The following NTM variants were observed in gnomAD, a reference collection of about 807,000 sequenced individuals.
The protein encoded by NTM is neurotrimin.
Under a neutral mutation model 42.1 loss-of-function variants are expected in NTM, and 13 were observed. The observed-to-expected ratio is 0.31, with a 90% CI of 0.20 to 0.49. NTM has a LOEUF of 0.49. Ranked by LOEUF, NTM falls within the 20% of genes least tolerant of loss-of-function variation. The pLI, the probability that NTM is intolerant of heterozygous loss-of-function variation, is 0.99. For synonymous variants in NTM, 187 were observed against 179.2 expected, an observed-to-expected ratio of 1.04 and a Z score of -0.35; for missense variants, 373 against 452.8, an observed-to-expected ratio of 0.82 and a Z score of 1.60.
At chr11:132,276,876 A>G (rs2093745856) in intron 4 of NTM, among the ~76,000 whole-genome samples, 1 of 152,170 alleles carries the variant, frequency 6.6e-6, no homozygotes, top group Non-Finnish European at 1.5e-5. Flanking sequence ...GTACAACTTT[A>G]TGCTGAGTCC....
chr11:131,506,354 C>T (rs2047490944), intron 1 of NTM, among the ~76,000 whole-genome samples: 1 of 152,168 alleles, frequency 6.6e-6, no homozygotes, highest in Non-Finnish European at 1.5e-5. Flanking sequence ...AATGCTGGTG[C>T]CCGAATATCT....
intron 1 of NTM, among the ~76,000 whole-genome samples, chr11:131,607,910 T>C (rs1046160599): frequency 1.1e-4 from 16 of 151,820 alleles, no homozygotes; most frequent in African/African-American, 3.9e-4. Flanking sequence ...GTTTTATAAT[T>C]ATTATTATTA....
intron 1 of NTM, among the ~76,000 whole-genome samples, chr11:131,418,872 C>A (rs1020398792): frequency 1.3e-5 from 2 of 152,292 alleles, no homozygotes; most frequent in South Asian, 2.1e-4. Context: ...CTGTACTCCA[C>A]ACCAAATCTC....
chr11:131,430,818 G>T (rs376541801), intron 1 of NTM, among the ~76,000 whole-genome samples: 12 of 152,324 alleles, frequency 7.9e-5, no homozygotes, highest in African/African-American at 2.9e-4. Context: ...GGACCTTTCT[G>T]GGCCACACAG....
At chr11:131,445,349 A>G (rs555129811) in intron 1 of NTM, among the ~76,000 whole-genome samples, 17 of 152,326 alleles carry the variant, frequency 1.1e-4, no homozygotes, top group Non-Finnish European at 2.1e-4. Context: ...TTTAGTTCTC[A>G]TTGGTCACCT....
intron 1 of NTM, among the ~76,000 whole-genome samples, chr11:131,437,260 G>A (rs963499802): frequency 6.6e-6 from 1 of 152,230 alleles, no homozygotes; most frequent in Admixed American, 6.5e-5. Context: ...TGTATATTCT[G>A]TTGATTTGGG....
At position 131,782,128 on chromosome 11, in the gene NTM, G is replaced by A. The variant is rs11222790; in HGVS notation, c.83-129436G>A. ...AACGTTTATTATTTGAAAAGATCAG[G>A]AAGATTAATAAATCCCAAAAGACTG... is the stretch of plus-strand genomic sequence containing the variant. On this transcript the variant is annotated intron_variant, in intron 1 of 8. Coordinates refer to ENST00000683400, the MANE Select transcript of NTM (RefSeq NM_001352005.2). Among the ~76,000 whole-genome samples the A allele has an allele frequency of 8.1e-3, 1,233 of 152,176 alleles. 17 individuals carry two copies. The highest frequency in any genetic ancestry group is 0.062 in the South Asian group (297 of 4,822).
At chr11:132,026,888 G>A (rs1041377380) in intron 2 of NTM, among the ~76,000 whole-genome samples, 1 of 152,196 alleles carries the variant, frequency 6.6e-6, no homozygotes, top group African/African-American at 2.4e-5. Context: ...GCAGTCAGCA[G>A]TTACAAGACC....
chr11:132,161,659 C>A (rs1307087128), intron 3 of NTM, among the ~76,000 whole-genome samples: 2 of 152,012 alleles, frequency 1.3e-5, no homozygotes, highest in African/African-American at 2.4e-5. Flanking sequence ...CTTCCCCTGG[C>A]GCCCCCTTGC....
intron 2 of NTM, among the ~76,000 whole-genome samples, chr11:132,112,718 TACACACACACACACACACACACAC>T (rs61630313): frequency 7.0e-6 from 1 of 142,072 alleles, no homozygotes; most frequent in East Asian, 2.2e-4. Context: ...ACTGCACACT[TACACACACACACACACACACACAC>T]ACACACACAC....
intron 4 of NTM, among the ~76,000 whole-genome samples, chr11:132,265,795 A>G (rs2093147346): frequency 6.6e-6 from 1 of 152,270 alleles, no homozygotes; most frequent in African/African-American, 2.4e-5. Context: ...AACAACCTGA[A>G]TGAAGTATGT....
chr11:131,643,145 C>T (rs552826589), intron 1 of NTM, among the ~76,000 whole-genome samples: 1 of 152,124 alleles, frequency 6.6e-6, no homozygotes, highest in East Asian at 1.9e-4. Flanking sequence ...GCATCCGAGC[C>T]CCTGTCGTTA....
intron 2 of NTM, among the ~76,000 whole-genome samples, chr11:131,995,025 C>T (rs2067734165): frequency 6.6e-6 from 1 of 152,076 alleles, no homozygotes; most frequent in African/African-American, 2.4e-5. Context: ...CTGTTGTTCC[C>T]TCTTATTTGC....
intron 4 of NTM, among the ~76,000 whole-genome samples, chr11:132,259,429 C>T (rs1237825557): frequency 6.6e-6 from 1 of 151,984 alleles, no homozygotes; most frequent in African/African-American, 2.4e-5. Flanking sequence ...TGCCTGTAAT[C>T]CCAGCACTTC....
At chr11:132,055,333 G>A (rs548961946) in intron 2 of NTM, among the ~76,000 whole-genome samples, 5 of 152,266 alleles carry the variant, frequency 3.3e-5, no homozygotes, top group South Asian at 4.1e-4. Flanking sequence ...TGGTGAGGCC[G>A]GCATGCCCAG....
At chr11:131,464,185 A>G (rs572522999) in intron 1 of NTM, among the ~76,000 whole-genome samples, 11 of 152,166 alleles carry the variant, frequency 7.2e-5, no homozygotes, top group African/African-American at 2.6e-4. Flanking sequence ...GTTCTTCATG[A>G]AAGTGTCAGG....
intron 2 of NTM, among the ~76,000 whole-genome samples, chr11:132,018,077 T>C (rs2073722673): frequency 6.6e-6 from 1 of 151,860 alleles, no homozygotes; most frequent in South Asian, 2.1e-4. Context: ...GACAATTTTA[T>C]TTCTTTATTC....
At chr11:131,701,186 AT>A (rs1388820911) in intron 1 of NTM, among the ~76,000 whole-genome samples, 1 of 152,186 alleles carries the variant, frequency 6.6e-6, no homozygotes, top group Non-Finnish European at 1.5e-5. Context: ...CAGACCTGGG[AT>A]TATGTCAACT....
At chr11:131,795,999 G>A (rs759636046) in intron 1 of NTM, 34 of 985,394 alleles carry the variant, frequency 3.5e-5, no homozygotes, top group Non-Finnish European at 3.3e-5. Flanking sequence ...GATTGAAGAA[G>A]TTGTGTGCAG....
Sources: allele counts gnomAD v4.1 joint callset (sites outside exome capture counted in the v4.1 genomes callset), GRCh38; gene constraint gnomAD v4.1.1; transcripts MANE v1.5; gene names NCBI Gene and HGNC (gene_info 2026-07-23, HGNC 2026-07-21).